RIC3: variants seen among roughly 807,000 people sequenced by gnomAD.
RIC3 encodes protein RIC-3.
Under a neutral mutation model 27.3 loss-of-function variants are expected in RIC3, and 28 were observed. That is an observed-to-expected ratio of 1.02 (90% CI 0.76 to 1.41). The LOEUF is 1.41. Among genes scored for constraint, RIC3 ranks in the 40% most tolerant of loss-of-function variants. The probability of loss-of-function intolerance (pLI) is 0.00; values close to 1 mark genes in which losing one functional copy is unlikely to be tolerated. For synonymous variants in RIC3, 184 were observed against 160.4 expected (o/e 1.15, Z -1.11); for missense variants, 501 against 444.7 (o/e 1.13, Z -1.14).
chr11:8,100,593 C>T, the RIC3 span: 4 of 1,613,800 alleles, frequency 2.5e-6, no homozygotes, highest in South Asian at 1.1e-5. Context: ...CTCTATCCGC[C>T]CCCGCAACGT....
intron 1 of RIC3, among the ~76,000 whole-genome samples, chr11:8,158,723 A>G (rs951450335): frequency 1.2e-5 from 1 of 81,362 alleles, no homozygotes; most frequent in African/African-American, 5.9e-5. Flanking sequence ...AGCCAGAGTT[A>G]AGAAGTTTTT....
At chr11:8,129,545 G>T (rs1157961349) in intron 4 of RIC3, among the ~76,000 whole-genome samples, 3 of 151,646 alleles carry the variant, frequency 2.0e-5, no homozygotes, top group Non-Finnish European at 4.4e-5. Context: ...GCAACTGCAT[G>T]AACAGGAAGA....
downstream of RIC3, chr11:8,104,369 TTCTCCAAGTCTAGCTTTCCTTTCCTTCTG>T (rs1944436982): frequency 6.6e-6 from 1 of 152,322 alleles, no homozygotes; most frequent in African/African-American, 2.4e-5. Context: ...TCCCCAACTC[TTCTCCAAGTCTAGCTTTCCTTTCCTTCTG>T]GCTCCAAGGT....
At chr11:8,141,634 A>G (rs1165899251) in intron 1 of RIC3, among the ~76,000 whole-genome samples, 3 of 151,942 alleles carry the variant, frequency 2.0e-5, no homozygotes, top group Non-Finnish European at 2.9e-5. Context: ...CAGAAAGTCA[A>G]CAAGGATACC....
intron 4 of RIC3, 148 bp from the exon 5 acceptor site, chr11:8,126,955 C>T (rs1947061814): frequency 1.1e-6 from 1 of 883,512 alleles, no homozygotes; most frequent in Admixed American, 2.0e-5. Flanking sequence ...AACTGCATAG[C>T]TGGGAACTAG....
chr11:8,100,592 C>T, the RIC3 span: 188 of 1,613,868 alleles, frequency 1.2e-4, 1 homozygote, highest in East Asian at 2.5e-3. Flanking sequence ...TCTCTATCCG[C>T]CCCCGCAACG....
At chr11:8,167,640 TA>T (rs34530108) in intron 1 of RIC3, among the ~76,000 whole-genome samples, 302 of 134,086 alleles carry the variant, frequency 2.3e-3, no homozygotes, top group Admixed American at 3.4e-3. Context: ...TAATGGAAAG[TA>T]AAAAAAAAAA....
At chr11:8,126,315 TA>T (rs1946986254) in intron 5 of RIC3, among the ~76,000 whole-genome samples, 4 of 152,134 alleles carry the variant, frequency 2.6e-5, no homozygotes, top group African/African-American at 9.7e-5. Context: ...TCAAAAGTAT[TA>T]CGCTAAATCA....
chr11:8,150,071 C>T (rs1950081472), intron 1 of RIC3, among the ~76,000 whole-genome samples: 1 of 152,136 alleles, frequency 6.6e-6, no homozygotes. Flanking sequence ...ACGTGTTTCT[C>T]CTTTCATAAA....
chr11:8,095,921 CAT>C, the RIC3 span, among the ~76,000 whole-genome samples: 2 of 152,204 alleles, frequency 1.3e-5, no homozygotes, highest in Admixed American at 1.3e-4. Context: ...AGAAGTTTCC[CAT>C]ATGTTTGCTG....
intron 4 of RIC3, among the ~76,000 whole-genome samples, chr11:8,129,611 G>A (rs1337664057): frequency 6.6e-6 from 1 of 152,158 alleles, no homozygotes; most frequent in Non-Finnish European, 1.5e-5. Context: ...AAAGGTCACA[G>A]TTGGGAAACA....
intron 5 of RIC3, among the ~76,000 whole-genome samples, chr11:8,115,606 G>A (rs1000231286): frequency 6.6e-6 from 1 of 152,090 alleles, no homozygotes; most frequent in Non-Finnish European, 1.5e-5. Flanking sequence ...TCAGGAGTTC[G>A]AGACCAGCCT....
At chr11:8,096,791 C>G in the RIC3 span, 1 of 1,614,170 alleles carries the variant, frequency 6.2e-7, no homozygotes, top group Non-Finnish European at 8.5e-7. Context: ...CTGCTACTAG[C>G]AGGAAGTCCG....
At chr11:8,093,547 C>A in the RIC3 span, among the ~76,000 whole-genome samples, 1 of 152,136 alleles carries the variant, frequency 6.6e-6, no homozygotes, top group African/African-American at 2.4e-5. Flanking sequence ...CTTCTTGTGT[C>A]CCAGAGTTGT....
chr11:8,100,066 A>G, the RIC3 span, among the ~76,000 whole-genome samples: 1 of 152,186 alleles, frequency 6.6e-6, no homozygotes, highest in African/African-American at 2.4e-5. Context: ...GATGGTGGGA[A>G]GGAGGAATAG....
chr11:8,143,781 C>T lies in RIC3; in HGVS notation c.125-3588G>A, dbSNP rs540434992. On this transcript the variant is annotated intron_variant, in intron 1 of 5. Coordinates refer to ENST00000309737, the MANE Select transcript of RIC3 (RefSeq NM_001206671.4). ...TCATGCTACCTGACTTCAAACTATA[C>T]TACAAGGCTACAGTAACCAAAACAG... 1.5e-3 allele frequency among the ~76,000 whole-genome samples: 224 copies of T among 150,550 alleles called. 3 individuals are homozygous for T. The highest frequency in any genetic ancestry group is 3.7e-4 in the Non-Finnish European group (25 of 67,448).
the RIC3 span, chr11:8,095,470 G>A: frequency 1.3e-6 from 2 of 1,583,428 alleles, no homozygotes; most frequent in Non-Finnish European, 8.6e-7. Flanking sequence ...CCTCCTGGAT[G>A]TAACTCAGGC....
chr11:8,144,743 C>T lies in RIC3; in HGVS notation c.125-4550G>A, dbSNP rs984405015. On this transcript the variant is annotated intron_variant, in intron 1 of 5. Transcript: ENST00000309737. ...GACACATGCACACGTATGTTTATTG[C>T]GGCATTATTCACAATAGCAAAGACT... 8.3e-4 allele frequency among the ~76,000 whole-genome samples: 126 copies of T among 151,410 alleles called. 1 individual carries two copies. Among genetic ancestry groups the T allele is most frequent in the African/African-American group, 2.6e-3 (108 of 41,374 alleles).
At chr11:8,096,021 C>A in the RIC3 span, among the ~76,000 whole-genome samples, 1 of 152,216 alleles carries the variant, frequency 6.6e-6, no homozygotes, top group Non-Finnish European at 1.5e-5. Flanking sequence ...ACAAGCCCTG[C>A]CCTAGGGAGC....
Sources: gnomAD v4.1 joint callset for allele counts (sites outside exome capture counted in the v4.1 genomes callset) on GRCh38, gnomAD v4.1.1 for gene constraint, MANE v1.5 for transcripts, NCBI Gene and HGNC (gene_info 2026-07-23, HGNC 2026-07-21) for gene names.